MYCBP2: variants seen among roughly 807,000 people sequenced by gnomAD.
MYCBP2 encodes MYC binding protein 2.
Under a neutral mutation model 525.3 loss-of-function variants are expected in MYCBP2, and 120 were observed. The ratio of observed to expected loss-of-function variants is 0.23; its 90% CI spans 0.20 to 0.27. The LOEUF (loss-of-function observed/expected upper bound fraction) is 0.27, where lower values mean the gene tolerates loss of function less well. MYCBP2 is among the 10% of genes least tolerant of loss of function. The probability of loss-of-function intolerance (pLI) is 1.00; values close to 1 mark genes in which losing one functional copy is unlikely to be tolerated. For missense variants in MYCBP2, 4,149 were observed against 5,657.1 expected (o/e 0.73, Z 8.55); for synonymous variants, 1,894 against 1,955.8 (o/e 0.97, Z 0.83).
At position 77,211,254 on chromosome 13, in the gene MYCBP2, C is replaced by A; in HGVS notation, c.3329G>T (p.Gly1110Val). ...TGAGTCATTAAAAGTTTTACAACTC[C>A]CATCCACTTTATTTATCAGAAGGCA... is the stretch of plus-strand genomic sequence containing the variant. ...FKCLLINKVDGSCKTFNDSEQ... is the reference protein window; with the variant it reads ...FKCLLINKVDVSCKTFNDSEQ... The change falls in exon 23 of 83, where the codon GGG (glycine) becomes GTG (valine). Residue 1110 changes from glycine to valine, a missense_variant. Physicochemically the swap from Gly to Val is moderately radical, Grantham distance 109 (BLOSUM62 -3). Around this residue, in one of 21 missense-constraint regions of MYCBP2, gnomAD observed 620 missense variants for 795.5 expected, o/e 0.78. Coordinates refer to ENST00000544440, the MANE Select transcript of MYCBP2 (RefSeq NM_015057.5). 1 of 1,546,018 alleles carries A rather than the reference C, an allele frequency of 6.5e-7. No homozygotes were observed. The highest frequency in any genetic ancestry group is 8.8e-7 in the Non-Finnish European group (1 of 1,142,616).
chr13:77,266,746 GAAAAAAAAAA>G (rs56408804), intron 8 of MYCBP2, among the ~76,000 whole-genome samples: 2 of 89,416 alleles, frequency 2.2e-5, no homozygotes, highest in East Asian at 3.1e-4. Context: ...GACTTGTAAT[GAAAAAAAAAA>G]AAAAAAAAAA....
intron 52 of MYCBP2, among the ~76,000 whole-genome samples, chr13:77,138,607 A>T (rs2054118538): frequency 6.6e-6 from 1 of 152,230 alleles, no homozygotes; most frequent in African/African-American, 2.4e-5. Flanking sequence ...TTCATGAAGT[A>T]GCAATCTTGT....
In MYCBP2 at chr13:77,061,217, C is replaced by T. The variant is rs767420516; in HGVS notation, c.12988G>A (p.Ala4330Thr). Residue 4330 changes from alanine (A) to threonine (T), a missense_variant, in exon 76 of 83, where the codon GCA becomes ACA. Around this residue, in one of 21 missense-constraint regions of MYCBP2, gnomAD observed 220 missense variants for 396.0 expected, o/e 0.56. Transcript: ENST00000544440. ...RTKLFWLMAL[A>T]DSKTMKAMVE... ...ATTGCCTTCATTGTTTTAGAATCTG[C>T]CAGTGCCATCAACCAGAACAATTTG... The T allele has an allele frequency of 8.7e-6, 14 of 1,611,822 alleles. No individual in the cohort carries two copies. The highest frequency in any genetic ancestry group is 1.3e-5 in the African/African-American group (1 of 74,762).
At chr13:77,273,390 C>T in intron 5 of MYCBP2, 82 bp downstream of exon 5, 1 of 1,243,566 alleles carries the variant, frequency 8.0e-7, no homozygotes, top group Non-Finnish European at 1.1e-6. Flanking sequence ...TGAGAAAAAG[C>T]AGAATTCCTA....
Position 77,067,651 on chromosome 13 carries a change from T to C in MYCBP2, c.12385A>G (p.Thr4129Ala). 1 of 1,614,178 alleles carries C rather than the reference T, an allele frequency of 6.2e-7. No individual in the cohort carries two copies. The highest frequency in any genetic ancestry group is 8.5e-7 in the Non-Finnish European group (1 of 1,180,010). Residue 4129 changes from threonine (T) to alanine (A), a missense_variant, in exon 71 of 83, where the codon ACT becomes GCT. Physicochemically the swap from Thr to Ala is moderately conservative, Grantham distance 58. This residue lies in a region of MYCBP2 where 148 missense variants were observed against 179.4 expected (regional missense o/e 0.82). Coordinates refer to ENST00000544440, the MANE Select transcript of MYCBP2 (RefSeq NM_015057.5). The stretch of plus-strand genomic sequence containing the variant: ...CCCACAGTGGTACCAGCTGTTCCAG[T>C]GATGGTGGTTCCTTTGGCTTTTAGC... ...VQLKAKGTTI[T>A]GTAGTTVGKG...
At chr13:77,184,571 T>C (rs998783600) in intron 32 of MYCBP2, among the ~76,000 whole-genome samples, 1 of 152,218 alleles carries the variant, frequency 6.6e-6, no homozygotes, top group Non-Finnish European at 1.5e-5. Flanking sequence ...GTTCCTCTAT[T>C]AATTACTGAA....
intron 59 of MYCBP2, chr13:77,090,704 C>A (rs116990622): frequency 6.6e-6 from 1 of 152,466 alleles, no homozygotes; most frequent in African/African-American, 2.4e-5. Flanking sequence ...CTTCAGTGTT[C>A]TGTGAGGTTT....
chr13:77,261,329 C>T lies in MYCBP2; in HGVS notation c.1694G>A (p.Gly565Asp). ...KYQSLGIKQG[G>D]PSAGKWVELP... is the part of the protein sequence containing the mutation. ...CTCAACCCATTTTCCTGCTGAAGGA[C>T]CACCTTGTTTGATTCCAAGACTCTG... Residue 565 changes from glycine to aspartate, a missense_variant, in exon 12 of 83, where the codon GGT (glycine) becomes GAT (aspartate). Around this residue, in one of 21 missense-constraint regions of MYCBP2, gnomAD observed 262 missense variants for 419.3 expected, o/e 0.62. Coordinates refer to ENST00000544440, the MANE Select transcript of MYCBP2 (RefSeq NM_015057.5). 1 of 1,612,904 alleles carries T rather than the reference C, an allele frequency of 6.2e-7. No homozygotes were observed. Among genetic ancestry groups the T allele is most frequent in the Non-Finnish European group, 8.5e-7 (1 of 1,179,528 alleles).
At chr13:77,261,423 G>A in intron 11 of MYCBP2, 48 bp from the exon 12 acceptor site, 1 of 1,374,626 alleles carries the variant, frequency 7.3e-7, no homozygotes, top group Non-Finnish European at 1.0e-6. Flanking sequence ...TTGGAATAGT[G>A]CATCAGGTTT....
intron 3 of MYCBP2, among the ~76,000 whole-genome samples, chr13:77,283,548 C>A (rs1436960666): frequency 6.6e-6 from 1 of 152,132 alleles, no homozygotes; most frequent in African/African-American, 2.4e-5. Context: ...AATAATGTGG[C>A]ATGACTGGCT....
At chr13:77,085,104 G>A (rs539305503) in intron 62 of MYCBP2, among the ~76,000 whole-genome samples, 87 of 151,980 alleles carry the variant, frequency 5.7e-4, no homozygotes, top group African/African-American at 1.9e-3. Flanking sequence ...CTGTTTCATC[G>A]TAACTATAAC....
rs113602515 is a variant in MYCBP2 at position 77,131,614 on chromosome 13, T to C, written c.7660-5072A>G. Among the ~76,000 whole-genome samples, 311 of 152,254 alleles carry C rather than the reference T, an allele frequency of 2.0e-3. 2 individuals carry two copies. Among genetic ancestry groups the C allele is most frequent in the African/African-American group, 5.5e-3 (227 of 41,540 alleles). ...TGAACATTCAGGAAAATGTTAATTT[T>C]TCCAAAGCCCCAATTTCTCACTATT... is the stretch of plus-strand genomic sequence containing the variant. On this transcript the variant is annotated intron_variant, in intron 52 of 82. Coordinates refer to ENST00000544440, the MANE Select transcript of MYCBP2 (RefSeq NM_015057.5).
chr13:77,317,872 G>A (rs766260131), intron 1 of MYCBP2, among the ~76,000 whole-genome samples: 1 of 152,120 alleles, frequency 6.6e-6, no homozygotes, highest in Non-Finnish European at 1.5e-5. Context: ...GGGAGGCGGA[G>A]GTTGCAGTCA....
intron 2 of MYCBP2, among the ~76,000 whole-genome samples, chr13:77,294,719 TG>T (rs1301145910): frequency 6.6e-6 from 1 of 152,248 alleles, no homozygotes; most frequent in Non-Finnish European, 1.5e-5. Flanking sequence ...AGAGGTTTTC[TG>T]TATATTGACA....
intron 63 of MYCBP2, 80 bp from the exon 64 acceptor site, chr13:77,082,073 T>C (rs936011540): frequency 8.3e-7 from 1 of 1,209,542 alleles, no homozygotes; most frequent in Non-Finnish European, 1.1e-6. Context: ...GAGTACTCTG[T>C]AGCTAATATC....
intron 26 of MYCBP2, among the ~76,000 whole-genome samples, chr13:77,194,773 G>C (rs1188818453): frequency 5.3e-5 from 8 of 151,968 alleles, no homozygotes; most frequent in African/African-American, 1.9e-4. Context: ...CAATAAAAAA[G>C]GGTAGAGAAA....
intron 79 of MYCBP2, among the ~76,000 whole-genome samples, chr13:77,056,427 G>C (rs2038070924): frequency 6.6e-6 from 1 of 152,130 alleles, no homozygotes; most frequent in Non-Finnish European, 1.5e-5. Flanking sequence ...TGAATTAATA[G>C]GGAAAGTACT....
rs1313690820 is a variant in MYCBP2, at chr13:77,088,815, C to T, written c.10725+17G>A. On this transcript the variant is annotated intron_variant, in intron 61 of 82. Transcript: ENST00000544440. ...TGTATAATCAATGAATCAGTAATTT[C>T]ATTAATGTCTTCATACCTCCATAGC... 6.3e-7 allele frequency: 1 copy of T among 1,588,596 alleles called. No homozygotes were observed. Among genetic ancestry groups the T allele is most frequent in the Non-Finnish European group, 8.6e-7 (1 of 1,160,584 alleles).
intron 69 of MYCBP2, 100 bp from the exon 70 acceptor site, chr13:77,068,931 T>C (rs748159691): frequency 1.5e-5 from 18 of 1,169,928 alleles, no homozygotes; most frequent in Admixed American, 4.0e-5. Context: ...AGAATGTAAA[T>C]TGATACTCAA....
Sources: gnomAD v4.1 joint callset for allele counts (sites outside exome capture counted in the v4.1 genomes callset) on GRCh38, gnomAD v4.1.1 for gene constraint, gnomAD v4.1.1 regional missense constraint, MANE v1.5 for transcripts, NCBI Gene and HGNC (gene_info 2026-07-23, HGNC 2026-07-21) for gene names.